TOR1A: variants seen among roughly 807,000 people sequenced by gnomAD.
TOR1A encodes the protein torsin-1A.
In TOR1A, 18 loss-of-function variants were observed where a neutral mutation model predicts 31.4. The ratio of observed to expected loss-of-function variants is 0.57; its 90% CI spans 0.40 to 0.85. TOR1A has a LOEUF of 0.85. Among genes scored for constraint, TOR1A ranks in the 40% least tolerant of loss-of-function variants. The pLI is 0.00. For synonymous variants in TOR1A, 168 were observed against 165.9 expected (o/e 1.01, Z -0.10); for missense variants, 375 against 416.4 (o/e 0.90, Z 0.87).
At chr9:129,823,738 A>C in intron 1 of TOR1A, 170 bp downstream of exon 1, 6 of 153,844 alleles carry the variant, frequency 3.9e-5, no homozygotes, top group East Asian at 5.4e-4. Flanking sequence ...CCCTAGTGCC[A>C]TCGCCCAGCC....
chr9:129,818,631 T>G lies in TOR1A; in HGVS notation c.637A>C (p.Arg213=). 6.2e-7 allele frequency: 1 copy of G among 1,614,262 alleles called. No homozygotes were observed. The highest frequency in any genetic ancestry group is 8.5e-7 in the Non-Finnish European group (1 of 1,180,044). ...FIFLSNAGAE[R]ITDVALDFWR... is the part of the protein sequence containing the mutation. Reference sequence around the variant, plus strand: ...AAATCCAAAGCCACATCTGTGATCCTTTCTGCTCCAGCATTGCTGCAAAAC... The same window carrying G: ...AAATCCAAAGCCACATCTGTGATCCGTTCTGCTCCAGCATTGCTGCAAAAC... Residue 213 remains arginine, a synonymous_variant, in exon 4 of 5, where the codon AGG becomes CGG. Transcript: ENST00000351698.
At chr9:129,818,298 C>T (rs984151839) in intron 4 of TOR1A, 1 of 671,338 alleles carries the variant, frequency 1.5e-6, no homozygotes, top group South Asian at 1.8e-5. Flanking sequence ...GTAAAACTAT[C>T]TGAAAAATAA....
chr9:129,818,785 C>T lies in TOR1A; in HGVS notation c.580G>A (p.Asp194Asn). The change falls in exon 3 of 5, where the codon GAT (aspartate) becomes AAT (asparagine). Residue 194 changes from aspartate (D) to asparagine (N), a missense_variant. Transcript: ENST00000351698. Reference sequence around the variant, plus strand: ...ATGGCTTTCTGGTAGGAGACCCCATCCACCAGGTCATAATAGTCGAGGAAA... The same window carrying T: ...ATGGCTTTCTGGTAGGAGACCCCATTCACCAGGTCATAATAGTCGAGGAAA... ...KPFLDYYDLV[D>N]GVSYQKAMFI... is the part of the protein sequence containing the mutation. 10 of 1,613,526 alleles carry T rather than the reference C, an allele frequency of 6.2e-6. No individual in the cohort carries two copies. The highest frequency in any genetic ancestry group is 7.6e-6 in the Non-Finnish European group (9 of 1,180,038).
chr9:129,823,895 CG>C lies in TOR1A; in HGVS notation c.178+12del. 1 of 1,558,192 alleles carries C rather than the reference CG, an allele frequency of 6.4e-7. No homozygotes were observed. The highest frequency in any genetic ancestry group is 8.7e-7 in the Non-Finnish European group (1 of 1,152,588). ...AGCCCCAGCCCCAGCCTCCAGCCCC[CG>C]CCCCAGCCTACCCTCCCGGCTAAGG... On this transcript the variant is annotated intron_variant, in intron 1 of 4. Coordinates refer to ENST00000351698, the MANE Select transcript of TOR1A (RefSeq NM_000113.3).
intron 2 of TOR1A, among the ~76,000 whole-genome samples, chr9:129,821,023 C>A (rs897438255): frequency 2.0e-5 from 3 of 152,134 alleles, no homozygotes; most frequent in African/African-American, 7.2e-5. Context: ...TGATTGAGGC[C>A]AGGCATGGTG....
Position 129,814,290 on chromosome 9 carries a change from G to T in TOR1A, c.749-68C>A, listed in dbSNP as rs900516606. ...CCTGCCCTATAGACGCCTCCTGGGG[G>T]TCACTTACCTACCCTCCCATCCGTC... On this transcript the variant is annotated intron_variant, in intron 4 of 4. Coordinates refer to ENST00000351698, the MANE Select transcript of TOR1A (RefSeq NM_000113.3). 5.2e-5 allele frequency: 83 copies of T among 1,608,812 alleles called. No homozygotes were observed. The Middle Eastern group carries it at 8.2e-4, about 16-fold the overall frequency.
At position 129,822,769 on chromosome 9, in the gene TOR1A, A is replaced by G; in HGVS notation, c.256T>C (p.Phe86Leu). ...TTCTTGGGCTTTGGGTTGTTTATGAAACCAAACACGGCATTTAAGATGATT... is the reference window on the plus strand; with the variant it reads ...TTCTTGGGCTTTGGGTTGTTTATGAGACCAAACACGGCATTTAAGATGATT... ...KKIILNAVFGFINNPKPKKPL... is the reference protein window; with the variant it reads ...KKIILNAVFGLINNPKPKKPL... The change falls in exon 2 of 5, where the codon TTC (phenylalanine) becomes CTC (leucine). Residue 86 changes from phenylalanine (F) to leucine (L), a missense_variant. Transcript: ENST00000351698. 1 of 1,614,132 alleles carries G rather than the reference A, an allele frequency of 6.2e-7. No homozygotes were observed. The highest frequency in any genetic ancestry group is 8.5e-7 in the Non-Finnish European group (1 of 1,180,018).
rs1018621529 is a variant in TOR1A at position 129,822,900 on chromosome 9, C to A, written c.179-54G>T. On this transcript the variant is annotated intron_variant, in intron 1 of 4. Transcript: ENST00000351698. ...GGGAAGAAACAGCGGCAAAATGTAG[C>A]CACATTTACAGCCCATAAGAAAGCC... The A allele has an allele frequency of 1.9e-5, 31 of 1,613,168 alleles. No homozygotes were observed. The Admixed American group carries it at 4.2e-4, about 22-fold the overall frequency.
Position 129,813,914 on chromosome 9 carries a change from A to C in TOR1A, c.*58T>G. ...GAGCTGGGGGTGGAAGTGTGGAAGG[A>C]CTGAGTGTTGTTTCTTTTCCAACTC... On this transcript the variant is annotated 3_prime_UTR_variant, in exon 5 of 5. Transcript: ENST00000351698. 3 of 1,605,142 alleles carry C rather than the reference A, an allele frequency of 1.9e-6. No individual in the cohort carries two copies. Among genetic ancestry groups the C allele is most frequent in the Non-Finnish European group, 2.5e-6 (3 of 1,176,916 alleles).
At chr9:129,814,319 C>A in intron 4 of TOR1A, 97 bp from the exon 5 acceptor site, 1 of 1,580,866 alleles carries the variant, frequency 6.3e-7, no homozygotes, top group Non-Finnish European at 8.6e-7. Context: ...ATCCGTCCCA[C>A]AAACGTCTAC....
At chr9:129,822,189 C>T (rs946283844) in intron 2 of TOR1A, 8 of 320,120 alleles carry the variant, frequency 2.5e-5, no homozygotes, top group South Asian at 7.7e-5. Context: ...TTGCTTCAAC[C>T]GGGAGGCAGA....
At position 129,813,530 on chromosome 9, in the gene TOR1A, GTAA is replaced by G. The variant is rs2030948420; in HGVS notation, c.*439_*441del. The stretch of plus-strand genomic sequence containing the variant: ...CCAGTAAAGATACATCACAGTCTAT[GTAA>G]TAATGATGAGAACTTAAAAAAAAAC... On this transcript the variant is annotated 3_prime_UTR_variant, in exon 5 of 5. Coordinates refer to ENST00000351698, the MANE Select transcript of TOR1A (RefSeq NM_000113.3). The G allele has an allele frequency of 1.3e-5, 4 of 302,530 alleles. No homozygotes were observed. The highest frequency in any genetic ancestry group is 9.3e-5 in the East Asian group (1 of 10,728). The allele number at this position is 302,530 out of a possible 1,614,324, so 18.7% of individuals were successfully genotyped here. A position where few individuals can be genotyped will look rare whatever the true frequency, so the allele number is the denominator to read the frequency against.
At chr9:129,822,261 G>A (rs944829804) in intron 2 of TOR1A, 10 of 375,232 alleles carry the variant, frequency 2.7e-5, no homozygotes, top group South Asian at 8.6e-5. Context: ...GTGAAACTCC[G>A]TCTCAAAATA....
chr9:129,818,720 C>T (rs368376125), intron 3 of TOR1A, 25 bp downstream of exon 3: 1 of 1,613,818 alleles, frequency 6.2e-7, no homozygotes. Flanking sequence ...GGGGCCCATC[C>T]ATCATGTCCT....
At chr9:129,818,419 A>G (rs1330478250) in intron 4 of TOR1A, 101 bp downstream of exon 4, 9 of 1,569,346 alleles carry the variant, frequency 5.7e-6, no homozygotes, top group South Asian at 2.2e-5. Flanking sequence ...ATTTCTTTCT[A>G]CCCAGCTCCC....
At chr9:129,820,252 G>A (rs2031152677) in intron 2 of TOR1A, among the ~76,000 whole-genome samples, 2 of 152,086 alleles carry the variant, frequency 1.3e-5, no homozygotes, top group Admixed American at 6.5e-5. Flanking sequence ...CCCCTGAGTA[G>A]CTGAGACTAC....
rs959931997 is a variant in TOR1A, at chr9:129,816,962, G to A, written c.748+1558C>T. 3.9e-5 allele frequency among the ~76,000 whole-genome samples: 6 copies of A among 152,142 alleles called. No individual in the cohort carries two copies. In the East Asian group the frequency reaches 7.7e-4, roughly 20 times the overall value. On this transcript the variant is annotated intron_variant, in intron 4 of 4. Coordinates refer to ENST00000351698, the MANE Select transcript of TOR1A (RefSeq NM_000113.3). ...TTTTGTCATCTCCAGAACCTGAAGCGCAAAGACTTGAACAGCCAGCCCTGC... is the reference window on the plus strand; with the variant it reads ...TTTTGTCATCTCCAGAACCTGAAGCACAAAGACTTGAACAGCCAGCCCTGC...
chr9:129,816,205 T>C (rs1395410319), intron 4 of TOR1A, among the ~76,000 whole-genome samples: 1 of 152,164 alleles, frequency 6.6e-6, no homozygotes, highest in Non-Finnish European at 1.5e-5. Flanking sequence ...CTGTCCGCAC[T>C]GGGGAATGCT....
intron 2 of TOR1A, among the ~76,000 whole-genome samples, chr9:129,820,884 C>T (rs1333328610): frequency 6.6e-6 from 1 of 152,202 alleles, no homozygotes; most frequent in Non-Finnish European, 1.5e-5. Flanking sequence ...TAGGCATGAG[C>T]CACCACACCC....
Sources: gnomAD v4.1 joint callset for allele counts (sites outside exome capture counted in the v4.1 genomes callset) on GRCh38, gnomAD v4.1.1 for gene constraint, MANE v1.5 for transcripts, NCBI Gene and HGNC (gene_info 2026-07-23, HGNC 2026-07-21) for gene names.